CTXND2: variants seen among roughly 807,000 people sequenced by gnomAD.
CTXND2 encodes cortexin domain containing 2.
chr1:150,892,528 CTT>C (rs5777740), intron 1 of CTXND2, among the ~76,000 whole-genome samples: 2,272 of 123,288 alleles, frequency 0.018, 49 homozygotes, highest in African/African-American at 0.062. Flanking sequence ...TCTTCTTCTT[CTT>C]TTTTTTTTTT....
intron 1 of CTXND2, among the ~76,000 whole-genome samples, chr1:150,901,632 G>A (rs1669033720): frequency 6.6e-6 from 1 of 152,202 alleles, no homozygotes; most frequent in African/African-American, 2.4e-5. Context: ...CATTCAATGG[G>A]GCTGGGAGCA....
Position 150,902,082 on chromosome 1 carries a change from A to T in CTXND2, c.-73-10160A>T, listed in dbSNP as rs1184625262. On this transcript the variant is annotated intron_variant, in intron 1 of 1. Transcript: ENST00000636087. ...GGAGTTCAAGATTAGCCTGGCCAAC[A>T]TGGTGAAACTCCGTCTCTACTAAAA... Among the ~76,000 whole-genome samples the T allele has an allele frequency of 4.6e-5, 7 of 152,176 alleles. No homozygotes were observed. In the South Asian group the frequency reaches 1.0e-3, roughly 23 times the overall value.
At chr1:150,894,326 A>G (rs1668887778) in intron 1 of CTXND2, among the ~76,000 whole-genome samples, 1 of 152,186 alleles carries the variant, frequency 6.6e-6, no homozygotes. Context: ...TAAAGACTAC[A>G]ATGGAAAAAT....
intron 1 of CTXND2, among the ~76,000 whole-genome samples, chr1:150,895,202 G>A (rs1362930661): frequency 6.6e-6 from 1 of 151,542 alleles, no homozygotes; most frequent in Non-Finnish European, 1.5e-5. Context: ...GCCTTTCCAT[G>A]TCTTTAAATT....
intron 1 of CTXND2, among the ~76,000 whole-genome samples, chr1:150,910,803 T>G (rs1370796374): frequency 6.6e-6 from 1 of 151,542 alleles, no homozygotes; most frequent in Non-Finnish European, 1.5e-5. Flanking sequence ...GGCTAATTTT[T>G]GTATTTTTTT....
At chr1:150,900,626 C>G (rs981155135) in intron 1 of CTXND2, among the ~76,000 whole-genome samples, 1 of 150,906 alleles carries the variant, frequency 6.6e-6, no homozygotes, top group African/African-American at 2.4e-5. Flanking sequence ...CCAGCCTGGG[C>G]CACAGAGCAA....
chr1:150,910,806 A>AT (rs1353271032), intron 1 of CTXND2, among the ~76,000 whole-genome samples: 22 of 140,962 alleles, frequency 1.6e-4, no homozygotes, highest in Non-Finnish European at 2.3e-4. Flanking sequence ...TAATTTTTGT[A>AT]TTTTTTTTTA....
At chr1:150,897,512 T>C (rs1480482775) in intron 1 of CTXND2, among the ~76,000 whole-genome samples, 1 of 152,008 alleles carries the variant, frequency 6.6e-6, no homozygotes, top group African/African-American at 2.4e-5. Context: ...TTTGTAGAAA[T>C]GGGGTTTCTC....
In CTXND2 at chr1:150,894,890, C is replaced by G. The variant is rs868535336; in HGVS notation, c.-74+7577C>G. On this transcript the variant is annotated intron_variant, in intron 1 of 1. Coordinates refer to ENST00000636087, the Ensembl canonical transcript of CTXND2. ...ACCTCTACTAAAAATAAAAAATTAG[C>G]CGGATGTGGTGGCGCGTGCCTGTAG... Among the ~76,000 whole-genome samples the G allele has an allele frequency of 1.6e-4, 25 of 152,072 alleles. 1 individual carries two copies. The Middle Eastern group carries it at 0.024, about 145-fold the overall frequency.
Position 150,895,054 on chromosome 1 carries a change from C to CAT in CTXND2, c.-74+7754_-74+7755dup, listed in dbSNP as rs766325719. On this transcript the variant is annotated intron_variant, in intron 1 of 1. Transcript: ENST00000636087. Reference sequence around the variant, plus strand: ...CCCCTCAAAAAAACATATATATATACATATATATATATATGATGCTTTTTG... The same window carrying CAT: ...CCCCTCAAAAAAACATATATATATACATATATATATATATATGATGCTTTTTG... 7.9e-3 allele frequency among the ~76,000 whole-genome samples: 1,180 copies of CAT among 149,328 alleles called. 9 individuals are homozygous for CAT. The highest frequency in any genetic ancestry group is 0.034 in the South Asian group (161 of 4,702).
At chr1:150,901,811 G>C (rs1328862052) in intron 1 of CTXND2, among the ~76,000 whole-genome samples, 4 of 151,892 alleles carry the variant, frequency 2.6e-5, no homozygotes, top group Admixed American at 6.6e-5. Context: ...CCAGCTACTT[G>C]GGAGGCTGAG....
At chr1:150,909,560 GA>G (rs1180541915) in intron 1 of CTXND2, among the ~76,000 whole-genome samples, 2 of 152,024 alleles carry the variant, frequency 1.3e-5, no homozygotes, top group African/African-American at 4.8e-5. Flanking sequence ...CTGTCTCAAA[GA>G]AAAAAGTTTT....
intron 1 of CTXND2, among the ~76,000 whole-genome samples, chr1:150,905,717 G>A (rs1176426374): frequency 4.6e-5 from 7 of 152,062 alleles, no homozygotes; most frequent in Admixed American, 3.3e-4. Context: ...AAGGCCGGGC[G>A]CAGTGGCTCA....
intron 1 of CTXND2, among the ~76,000 whole-genome samples, chr1:150,896,807 A>C (rs1241890059): frequency 6.6e-6 from 1 of 152,228 alleles, no homozygotes; most frequent in Admixed American, 6.5e-5. Context: ...AGGATAAACA[A>C]ATTCTATATG....
At chr1:150,909,221 G>C (rs1327160789) in intron 1 of CTXND2, among the ~76,000 whole-genome samples, 1 of 135,376 alleles carries the variant, frequency 7.4e-6, no homozygotes, top group Non-Finnish European at 1.5e-5. Flanking sequence ...CTGGGCGACA[G>C]AGCAAGACTC....
At chr1:150,901,861 T>C (rs1269861255) in intron 1 of CTXND2, among the ~76,000 whole-genome samples, 2 of 146,440 alleles carry the variant, frequency 1.4e-5, no homozygotes, top group African/African-American at 5.0e-5. Context: ...GAGCTTGCAG[T>C]GAGCCAAGAT....
intron 1 of CTXND2, among the ~76,000 whole-genome samples, chr1:150,907,960 T>C (rs1183638869): frequency 1.3e-5 from 2 of 151,916 alleles, no homozygotes; most frequent in African/African-American, 4.8e-5. Context: ...CCACCCGCCT[T>C]GGCCTCCCAA....
intron 1 of CTXND2, among the ~76,000 whole-genome samples, chr1:150,897,121 T>G (rs963253973): frequency 6.6e-6 from 1 of 152,156 alleles, no homozygotes; most frequent in African/African-American, 2.4e-5. Context: ...TCAAGAGCCT[T>G]GGAGCCCCAT....
intron 1 of CTXND2, among the ~76,000 whole-genome samples, chr1:150,889,803 TATTA>T (rs1668825029): frequency 6.6e-6 from 1 of 152,136 alleles, no homozygotes; most frequent in Admixed American, 6.6e-5. Flanking sequence ...TAGAGATTCA[TATTA>T]ATTCATTCAT....
Sources: gnomAD v4.1 joint callset for allele counts (sites outside exome capture counted in the v4.1 genomes callset) on GRCh38, gnomAD v4.1.1 for gene constraint, MANE v1.5 for transcripts, NCBI Gene and HGNC (gene_info 2026-07-23, HGNC 2026-07-21) for gene names.